The following CTNNA3 variants were observed in gnomAD, a reference collection of about 807,000 sequenced individuals.
The protein encoded by CTNNA3 is catenin alpha 3.
A neutral mutation model predicts 95.7 loss-of-function variants in CTNNA3; 76 were observed. The observed-to-expected ratio is 0.79, with a 90% CI of 0.66 to 0.96. CTNNA3 has a LOEUF of 0.96. Ranked by LOEUF, CTNNA3 falls within the 40% of genes least tolerant of loss-of-function variation. The pLI is 0.00. For missense variants in CTNNA3, 1,191 were observed against 1,089.8 expected, an observed-to-expected ratio of 1.09 and a Z score of -1.31; for synonymous variants, 431 against 374.4, an observed-to-expected ratio of 1.15 and a Z score of -1.74.
At chr10:66,258,116 C>T (rs1262530493) in intron 13 of CTNNA3, among the ~76,000 whole-genome samples, 1 of 152,180 alleles carries the variant, frequency 6.6e-6, no homozygotes, top group Admixed American at 6.5e-5. Context: ...AACCTGTCTA[C>T]CCTGCAGCTT....
At chr10:66,926,696 C>T in intron 7 of CTNNA3, 7 of 1,295,548 alleles carry the variant, frequency 5.4e-6, no homozygotes, top group Non-Finnish European at 7.6e-6. Flanking sequence ...TTGCTCTGCT[C>T]TAAGACTATG....
chr10:66,668,083 T>A (rs370851017), intron 9 of CTNNA3, among the ~76,000 whole-genome samples: 1 of 152,296 alleles, frequency 6.6e-6, no homozygotes, highest in African/African-American at 2.4e-5. Context: ...TTGTTTTAAA[T>A]GCTTGCTTCT....
intron 6 of CTNNA3, among the ~76,000 whole-genome samples, chr10:67,206,716 C>T (rs74142413): frequency 0.048 from 7,227 of 150,660 alleles, 215 homozygotes; most frequent in South Asian, 0.1. Context: ...CTTCTAGAGC[C>T]TGCACCTGAT....
intron 11 of CTNNA3, among the ~76,000 whole-genome samples, chr10:66,478,541 CTG>C (rs904597306): frequency 3.2e-4 from 48 of 151,686 alleles, no homozygotes; most frequent in African/African-American, 9.4e-4. Flanking sequence ...ACAAATTTCA[CTG>C]TATGAAATTT....
chr10:66,754,186 T>C (rs1434104082), intron 9 of CTNNA3, among the ~76,000 whole-genome samples: 1 of 152,178 alleles, frequency 6.6e-6, no homozygotes, highest in Non-Finnish European at 1.5e-5. Context: ...GGTTGACATA[T>C]AGATCAGTGG....
intron 13 of CTNNA3, among the ~76,000 whole-genome samples, chr10:66,143,415 C>T (rs2083716501): frequency 6.6e-6 from 1 of 152,082 alleles, no homozygotes; most frequent in African/African-American, 2.4e-5. Context: ...CCCAGGAGAA[C>T]TTATGGCACT....
At chr10:66,612,254 T>G (rs1051983056) in intron 10 of CTNNA3, among the ~76,000 whole-genome samples, 3 of 152,142 alleles carry the variant, frequency 2.0e-5, no homozygotes, top group Non-Finnish European at 4.4e-5. Flanking sequence ...CTTCTGCATG[T>G]AATATTCAAT....
At chr10:67,628,681 A>T (rs767392361) in intron 2 of CTNNA3, among the ~76,000 whole-genome samples, 30 of 152,252 alleles carry the variant, frequency 2.0e-4, no homozygotes, top group Middle Eastern at 6.8e-3. Context: ...ATGTGTTCCA[A>T]AACTGTATGA....
In CTNNA3 at chr10:66,564,060, C is replaced by A. The variant is rs143430190; in HGVS notation, c.1375-43287G>T. ...GGACCTCCTGAGGCTGTGTCAAGGGCACCTCCTTAACCTTGGCAAAACAAA... is the reference window on the plus strand; with the variant it reads ...GGACCTCCTGAGGCTGTGTCAAGGGAACCTCCTTAACCTTGGCAAAACAAA... On this transcript the variant is annotated intron_variant, in intron 10 of 17. Coordinates refer to ENST00000433211, the MANE Select transcript of CTNNA3 (RefSeq NM_013266.4). Among the ~76,000 whole-genome samples, 104 of 152,234 alleles carry A rather than the reference C, an allele frequency of 6.8e-4. 1 individual carries two copies. The Middle Eastern group carries it at 0.01, about 15-fold the overall frequency.
intron 3 of CTNNA3, among the ~76,000 whole-genome samples, chr10:67,562,890 C>T (rs374705244): frequency 2.3e-4 from 35 of 151,962 alleles, no homozygotes; most frequent in East Asian, 1.7e-3. Context: ...CCATTCACAA[C>T]TGCTTCAAAG....
intron 5 of CTNNA3, among the ~76,000 whole-genome samples, chr10:67,511,423 G>A (rs1055092894): frequency 2.0e-5 from 3 of 152,106 alleles, no homozygotes; most frequent in Non-Finnish European, 4.4e-5. Context: ...GAATTTTGTT[G>A]AAGGCCTTTT....
chr10:67,126,550 C>T (rs572885657), intron 7 of CTNNA3, among the ~76,000 whole-genome samples: 12 of 152,338 alleles, frequency 7.9e-5, no homozygotes, highest in African/African-American at 2.2e-4. Context: ...CAGAGCAAGA[C>T]TCTGTCTCAA....
intron 5 of CTNNA3, among the ~76,000 whole-genome samples, chr10:67,311,576 C>G (rs1452117950): frequency 6.6e-6 from 1 of 151,996 alleles, no homozygotes; most frequent in Non-Finnish European, 1.5e-5. Flanking sequence ...CTACATTTCT[C>G]AAAACTCAAT....
At chr10:66,932,496 A>G (rs1400561642) in intron 7 of CTNNA3, among the ~76,000 whole-genome samples, 3 of 152,178 alleles carry the variant, frequency 2.0e-5, no homozygotes, top group Non-Finnish European at 4.4e-5. Context: ...GATTCTCATT[A>G]GAATCCAGAT....
chr10:66,520,808 G>C, intron 10 of CTNNA3, 35 bp from the exon 11 acceptor site: 1 of 1,568,186 alleles, frequency 6.4e-7, no homozygotes. Context: ...TTACCTATTG[G>C]TTGCAATGTT....
chr10:66,065,245 GT>G (rs2080290456), intron 15 of CTNNA3, among the ~76,000 whole-genome samples: 21 of 147,678 alleles, frequency 1.4e-4, no homozygotes, highest in African/African-American at 5.2e-4. Flanking sequence ...TTTTTGTTTT[GT>G]TTTGTTTTGT....
chr10:66,178,440 T>TATATATACATATATATATATATATAC (rs1231414006), intron 13 of CTNNA3, among the ~76,000 whole-genome samples: 7 of 105,756 alleles, frequency 6.6e-5, no homozygotes, highest in Non-Finnish European at 1.4e-4. Flanking sequence ...TATATATATA[T>TATATATACATATATATATATATATAC]ATACACACAC....
intron 13 of CTNNA3, among the ~76,000 whole-genome samples, chr10:66,210,003 C>T (rs1395694699): frequency 6.6e-6 from 1 of 151,930 alleles, no homozygotes; most frequent in East Asian, 1.9e-4. Flanking sequence ...CTTGGTGCTC[C>T]CTTCTGGCTC....
Position 67,266,087 on chromosome 10 carries a change from C to G in CTNNA3, c.580-46217G>C, listed in dbSNP as rs1866813777. Among the ~76,000 whole-genome samples the G allele has an allele frequency of 2.0e-5, 3 of 151,842 alleles. 1 individual carries two copies. In the South Asian group the frequency reaches 6.2e-4, roughly 32 times the overall value. ...AAATAAACAGAGAAAAAAATTAAAA[C>G]TGGAAGAAGCTGATATACGCTAGAA... On this transcript the variant is annotated intron_variant, in intron 5 of 17. Transcript: ENST00000433211.
Sources: allele counts gnomAD v4.1 joint callset (sites outside exome capture counted in the v4.1 genomes callset), GRCh38; gene constraint gnomAD v4.1.1; transcripts MANE v1.5; gene names NCBI Gene and HGNC (gene_info 2026-07-23, HGNC 2026-07-21).